TRPS1: variants seen among roughly 807,000 people sequenced by gnomAD.
TRPS1 encodes the protein transcriptional repressor GATA binding 1, also known as zinc finger transcription factor Trps1.
Under a neutral mutation model 101.2 loss-of-function variants are expected in TRPS1, and 6 were observed. The ratio of observed to expected loss-of-function variants is 0.06; its 90% confidence interval spans 0.03 to 0.12. The LOEUF (loss-of-function observed/expected upper bound fraction) is 0.12. Ranked by LOEUF, TRPS1 falls within the 10% of genes least tolerant of loss-of-function variation. The probability of loss-of-function intolerance (pLI) is 1.00; values close to 1 mark genes in which losing one functional copy is unlikely to be tolerated. For missense variants in TRPS1, 1,363 were observed against 1,567.0 expected, an observed-to-expected ratio of 0.87 and a Z score of 2.20; for synonymous variants, 578 against 589.8, an observed-to-expected ratio of 0.98 and a Z score of 0.29.
At chr8:115,573,589 C>T (rs894069926) in intron 5 of TRPS1, among the ~76,000 whole-genome samples, 2 of 152,136 alleles carry the variant, frequency 1.3e-5, no homozygotes, top group African/African-American at 4.8e-5. Flanking sequence ...ACCTCAACCC[C>T]GTCCACCTCC....
intron 1 of TRPS1, among the ~76,000 whole-genome samples, chr8:115,636,325 A>G (rs1405333169): frequency 3.9e-5 from 6 of 152,234 alleles, no homozygotes; most frequent in Non-Finnish European, 8.8e-5. Context: ...ACTCTTGTCC[A>G]TCAGGCTGGA....
chr8:115,451,367 T>A (rs899127868), intron 5 of TRPS1, among the ~76,000 whole-genome samples: 6 of 152,166 alleles, frequency 3.9e-5, no homozygotes, highest in African/African-American at 1.2e-4. Flanking sequence ...GACATTGTGC[T>A]AGGTTCATCA....
At chr8:115,543,727 C>T (rs1816507896) in intron 5 of TRPS1, among the ~76,000 whole-genome samples, 2 of 152,064 alleles carry the variant, frequency 1.3e-5, no homozygotes, top group African/African-American at 4.8e-5. Flanking sequence ...CAACACAATA[C>T]TGTAAGTCAA....
intron 5 of TRPS1, among the ~76,000 whole-genome samples, chr8:115,434,742 A>G (rs1201601406): frequency 1.3e-5 from 2 of 152,204 alleles, no homozygotes; most frequent in East Asian, 3.8e-4. Context: ...GTAGCAACAA[A>G]TGCATAGCAT....
chr8:115,624,456 A>T (rs1818462296), intron 1 of TRPS1, among the ~76,000 whole-genome samples: 1 of 151,968 alleles, frequency 6.6e-6, no homozygotes, highest in Non-Finnish European at 1.5e-5. Flanking sequence ...ATTATTCTCC[A>T]CCTGAACAGC....
At chr8:115,659,954 A>G (rs539944464) in intron 1 of TRPS1, among the ~76,000 whole-genome samples, 2 of 152,050 alleles carry the variant, frequency 1.3e-5, no homozygotes, top group East Asian at 1.9e-4. Context: ...AAACATTCTA[A>G]GCAAGTGAGA....
chr8:115,621,909 T>C (rs533936974), intron 2 of TRPS1, among the ~76,000 whole-genome samples: 16 of 146,048 alleles, frequency 1.1e-4, no homozygotes, highest in Admixed American at 5.4e-4. Flanking sequence ...AGAGTGAAAC[T>C]CCATCTCAAA....
At chr8:115,428,831 C>T (rs1050732874) in intron 5 of TRPS1, among the ~76,000 whole-genome samples, 2 of 152,090 alleles carry the variant, frequency 1.3e-5, no homozygotes, top group African/African-American at 4.8e-5. Flanking sequence ...TTTGTATGTC[C>T]TCAGGACGGG....
At chr8:115,532,883 A>G (rs1816169278) in intron 5 of TRPS1, among the ~76,000 whole-genome samples, 1 of 152,150 alleles carries the variant, frequency 6.6e-6, no homozygotes, top group Non-Finnish European at 1.5e-5. Flanking sequence ...TTTATTCAAG[A>G]GCCAAAGAGG....
At chr8:115,614,838 A>C (rs1818242542) in intron 3 of TRPS1, among the ~76,000 whole-genome samples, 1 of 152,202 alleles carries the variant, frequency 6.6e-6, no homozygotes, top group Admixed American at 6.5e-5. Flanking sequence ...GTCAAAATAA[A>C]CCACAGTAAG....
At chr8:115,450,472 T>C (rs1022378296) in intron 5 of TRPS1, among the ~76,000 whole-genome samples, 3 of 152,288 alleles carry the variant, frequency 2.0e-5, no homozygotes, top group Non-Finnish European at 1.5e-5. Flanking sequence ...GCCAATGATT[T>C]TGTGAGGACC....
chr8:115,652,616 C>T (rs1811585502), intron 1 of TRPS1, among the ~76,000 whole-genome samples: 1 of 152,204 alleles, frequency 6.6e-6, no homozygotes, highest in Non-Finnish European at 1.5e-5. Context: ...TAAAATCCAT[C>T]CCTTGCTTAA....
intron 5 of TRPS1, among the ~76,000 whole-genome samples, chr8:115,433,634 G>C (rs994389612): frequency 5.3e-5 from 8 of 152,102 alleles, no homozygotes; most frequent in African/African-American, 1.9e-4. Flanking sequence ...TCCTACTTTG[G>C]CTCCACAAGG....
intron 5 of TRPS1, among the ~76,000 whole-genome samples, chr8:115,516,864 C>T (rs1272374546): frequency 1.3e-5 from 2 of 151,298 alleles, no homozygotes; most frequent in East Asian, 1.9e-4. Flanking sequence ...ACTGAACAAA[C>T]AGATAAAAAC....
intron 4 of TRPS1, among the ~76,000 whole-genome samples, chr8:115,600,398 G>A (rs1817882362): frequency 6.6e-6 from 1 of 152,120 alleles, no homozygotes; most frequent in African/African-American, 2.4e-5. Context: ...AAAATTTGGA[G>A]TACTTTTCTA....
In TRPS1 at chr8:115,594,286, A is replaced by T. The variant is rs144737655; in HGVS notation, c.2097-6682T>A. 4.3e-4 allele frequency among the ~76,000 whole-genome samples: 66 copies of T among 152,208 alleles called. No homozygotes were observed. In the East Asian group the frequency reaches 0.013, roughly 29 times the overall value. On this transcript the variant is annotated intron_variant, in intron 4 of 6. Coordinates refer to ENST00000395715, the MANE Select transcript of TRPS1 (RefSeq NM_014112.5). Reference sequence around the variant, plus strand: ...TATCCTCCTGCCACACTGACAGCAAACACTGTCTTCATATTATCTGAGAAA... The same window carrying T: ...TATCCTCCTGCCACACTGACAGCAATCACTGTCTTCATATTATCTGAGAAA...
chr8:115,541,191 G>C (rs1415891431), intron 5 of TRPS1, among the ~76,000 whole-genome samples: 1 of 152,152 alleles, frequency 6.6e-6, no homozygotes, highest in Non-Finnish European at 1.5e-5. Flanking sequence ...CTATCTGAAG[G>C]CACTCAGCAT....
chr8:115,458,586 T>C (rs1814087398), intron 5 of TRPS1, among the ~76,000 whole-genome samples: 2 of 152,158 alleles, frequency 1.3e-5, no homozygotes, highest in Admixed American at 1.3e-4. Context: ...ATACTTTAAA[T>C]GTAACAATCC....
intron 6 of TRPS1, among the ~76,000 whole-genome samples, chr8:115,416,458 ATATAATTTATAAATTTAACTT>A (rs1812921125): frequency 6.7e-6 from 1 of 150,192 alleles, no homozygotes. Flanking sequence ...ATGACTATAA[ATATAATTTATAAATTTAACTT>A]TATAAATTAT....
Sources: gnomAD v4.1 joint callset for allele counts (sites outside exome capture counted in the v4.1 genomes callset) on GRCh38, gnomAD v4.1.1 for gene constraint, MANE v1.5 for transcripts, NCBI Gene and HGNC (gene_info 2026-07-23, HGNC 2026-07-21) for gene names.